IGSF11: variants seen among roughly 807,000 people sequenced by gnomAD.
IGSF11 encodes the protein immunoglobulin superfamily member 11, also known as CXADR like 1.
A neutral mutation model predicts 41.0 loss-of-function variants in IGSF11; 22 were observed. The observed-to-expected ratio is 0.54, with a 90% CI of 0.38 to 0.77. The LOEUF is 0.77. IGSF11 is among the 30% of genes least tolerant of loss of function. The pLI, the probability that IGSF11 is intolerant of heterozygous loss-of-function variation, is 0.00. For missense variants in IGSF11, 444 were observed against 530.8 expected, an observed-to-expected ratio of 0.84 and a Z score of 1.61; for synonymous variants, 219 against 201.3, an observed-to-expected ratio of 1.09 and a Z score of -0.74.
At chr3:119,127,105 C>T (rs1438967258) in intron 1 of IGSF11, among the ~76,000 whole-genome samples, 1 of 151,950 alleles carries the variant, frequency 6.6e-6, no homozygotes, top group Non-Finnish European at 1.5e-5. Flanking sequence ...CATGTTCTAA[C>T]CCAATGCAAA....
rs543290456 is a variant in IGSF11, at chr3:118,995,895, G to A, written c.52+38636C>T. Among the ~76,000 whole-genome samples the A allele has an allele frequency of 2.4e-4, 36 of 152,204 alleles. No individual in the cohort carries two copies. In the South Asian group the frequency reaches 6.6e-3, roughly 28 times the overall value. ...CTCGATCTGACCTCGTGATCCGCCC[G>A]CCTCGGCCTCCCAAAGCGCTGGGAT... is the stretch of plus-strand genomic sequence containing the variant. On this transcript the variant is annotated intron_variant, in intron 1 of 6. Coordinates refer to ENST00000393775, the MANE Select transcript of IGSF11 (RefSeq NM_001015887.3).
chr3:119,036,462 A>G (rs538424425), upstream of IGSF11, among the ~76,000 whole-genome samples: 19 of 152,308 alleles, frequency 1.2e-4, 1 homozygote, highest in South Asian at 3.7e-3. Context: ...AAGAAGAAAA[A>G]CAAGGAAGCG....
chr3:119,097,792 T>A lies in IGSF11; in HGVS notation c.49+7352A>T, dbSNP rs116440812. Among the ~76,000 whole-genome samples, 462 of 152,068 alleles carry A rather than the reference T, an allele frequency of 3.0e-3. 3 individuals are homozygous for A. Among genetic ancestry groups the A allele is most frequent in the African/African-American group, 0.011 (449 of 41,482 alleles). On this transcript the variant is annotated intron_variant, in intron 1 of 6. Transcript: ENST00000354673. ...TTCCAAGATGTCTCATTTCTCCATATGAGATTGGTTTTTTTTGAGACAAGG... is the reference window on the plus strand; with the variant it reads ...TTCCAAGATGTCTCATTTCTCCATAAGAGATTGGTTTTTTTTGAGACAAGG...
chr3:119,128,465 A>C (rs1336935791), intron 1 of IGSF11, among the ~76,000 whole-genome samples: 1 of 152,212 alleles, frequency 6.6e-6, no homozygotes, highest in Non-Finnish European at 1.5e-5. Context: ...ACTGGCAAAA[A>C]AGGAGTCAAG....
chr3:118,985,083 A>C (rs992770526), intron 1 of IGSF11, among the ~76,000 whole-genome samples: 1 of 152,206 alleles, frequency 6.6e-6, no homozygotes, highest in Non-Finnish European at 1.5e-5. Flanking sequence ...AATAATAATA[A>C]TAAATTACTT....
intron 1 of IGSF11, among the ~76,000 whole-genome samples, chr3:119,117,268 G>C (rs1457142782): frequency 6.6e-6 from 1 of 151,992 alleles, no homozygotes; most frequent in African/African-American, 2.4e-5. Flanking sequence ...TCATCGTGCT[G>C]ATAAAGACAT....
chr3:119,141,525 A>C (rs1223459676), intron 1 of IGSF11, among the ~76,000 whole-genome samples: 1 of 151,248 alleles, frequency 6.6e-6, no homozygotes, highest in Non-Finnish European at 1.5e-5. Flanking sequence ...AAAGCTTTTA[A>C]CTAGGTTGAC....
At chr3:118,940,952 T>C (rs1028391211) in intron 1 of IGSF11, among the ~76,000 whole-genome samples, 1 of 149,428 alleles carries the variant, frequency 6.7e-6, no homozygotes, top group African/African-American at 2.4e-5. Flanking sequence ...TAATACTTTA[T>C]ATAAAAATTA....
intron 1 of IGSF11, among the ~76,000 whole-genome samples, chr3:119,051,779 C>T (rs1941637646): frequency 6.6e-6 from 1 of 152,138 alleles, no homozygotes; most frequent in Admixed American, 6.5e-5. Flanking sequence ...ATCAAGTATT[C>T]TCTCAGACCA....
At chr3:118,963,517 G>T (rs1483908341) in intron 1 of IGSF11, among the ~76,000 whole-genome samples, 1 of 152,066 alleles carries the variant, frequency 6.6e-6, no homozygotes, top group Non-Finnish European at 1.5e-5. Flanking sequence ...ATAGCCCTAG[G>T]GGATAATTAT....
intron 1 of IGSF11, among the ~76,000 whole-genome samples, chr3:119,097,749 C>T (rs375861734): frequency 6.1e-4 from 92 of 152,058 alleles, no homozygotes; most frequent in African/African-American, 2.1e-3. Flanking sequence ...GCACTTACTT[C>T]GATGATGCTG....
intron 4 of IGSF11, among the ~76,000 whole-genome samples, chr3:118,912,643 T>G (rs1291334933): frequency 6.6e-6 from 1 of 151,934 alleles, no homozygotes; most frequent in African/African-American, 2.4e-5. Flanking sequence ...ACAATCCAGG[T>G]GAAGCGTTCA....
chr3:119,045,284 C>T (rs1329646083), intron 1 of IGSF11, among the ~76,000 whole-genome samples: 1 of 152,138 alleles, frequency 6.6e-6, no homozygotes, highest in East Asian at 1.9e-4. Flanking sequence ...TCAGTGGGTG[C>T]GTGCACCGTG....
At chr3:119,068,099 C>T (rs1049043296) in intron 1 of IGSF11, among the ~76,000 whole-genome samples, 16 of 152,138 alleles carry the variant, frequency 1.1e-4, no homozygotes, top group African/African-American at 3.6e-4. Flanking sequence ...CTCAGCTTTC[C>T]CTCACTGCTA....
At chr3:118,975,295 A>C (rs945961645) in intron 1 of IGSF11, among the ~76,000 whole-genome samples, 1 of 151,898 alleles carries the variant, frequency 6.6e-6, no homozygotes, top group African/African-American at 2.4e-5. Flanking sequence ...ATCTTTCCTT[A>C]AAAAAATTTA....
chr3:119,077,623 C>G (rs1336020041), intron 1 of IGSF11, among the ~76,000 whole-genome samples: 1 of 152,068 alleles, frequency 6.6e-6, no homozygotes, highest in Non-Finnish European at 1.5e-5. Flanking sequence ...TGGAACAAGA[C>G]AAGAATGCCT....
upstream of IGSF11, among the ~76,000 whole-genome samples, chr3:119,036,697 CAA>C (rs59651814): frequency 2.5e-3 from 362 of 147,354 alleles, no homozygotes; most frequent in African/African-American, 6.2e-3. Context: ...AAGGTTAAAC[CAA>C]AAAAAAAAAA....
intron 1 of IGSF11, among the ~76,000 whole-genome samples, chr3:119,018,222 G>A (rs998776204): frequency 1.3e-5 from 2 of 152,156 alleles, no homozygotes; most frequent in African/African-American, 4.8e-5. Context: ...CAGAGATAGA[G>A]GTAAATGAGT....
chr3:118,993,813 T>C (rs936834493), intron 1 of IGSF11, among the ~76,000 whole-genome samples: 1 of 152,108 alleles, frequency 6.6e-6, no homozygotes, highest in Non-Finnish European at 1.5e-5. Flanking sequence ...GGCAAGTCTA[T>C]ATAGATAGAA....
Sources: allele counts gnomAD v4.1 joint callset (sites outside exome capture counted in the v4.1 genomes callset), GRCh38; gene constraint gnomAD v4.1.1; transcripts MANE v1.5; gene names NCBI Gene and HGNC (gene_info 2026-07-23, HGNC 2026-07-21).